Variants in FUT2 observed in about 807,000 individuals in gnomAD.
FUT2 encodes galactoside alpha-(1,2)-fucosyltransferase 2.
For synonymous variants in FUT2, 182 were observed against 193.1 expected (o/e 0.94, Z 0.48); for missense variants, 419 against 465.8 (o/e 0.90, Z 0.93).
chr19:48,699,878 G>T (rs969721977), intron 1 of FUT2, among the ~76,000 whole-genome samples: 4 of 151,930 alleles, frequency 2.6e-5, no homozygotes, highest in Non-Finnish European at 5.9e-5. Flanking sequence ...GTGAGGCCAG[G>T]CATGGTGGCT....
intron 1 of FUT2, among the ~76,000 whole-genome samples, chr19:48,699,651 G>A (rs1356312864): frequency 6.6e-6 from 1 of 152,072 alleles, no homozygotes; most frequent in Non-Finnish European, 1.5e-5. Flanking sequence ...TTTACCGCCT[G>A]TGTATATGTG....
intron 1 of FUT2, among the ~76,000 whole-genome samples, chr19:48,701,494 G>C (rs1444754182): frequency 6.6e-6 from 1 of 150,814 alleles, no homozygotes; most frequent in Non-Finnish European, 1.5e-5. Context: ...TCATCTTTTA[G>C]AGCCAGCCTA....
intron 1 of FUT2, among the ~76,000 whole-genome samples, chr19:48,696,856 G>A (rs1193706024): frequency 6.6e-6 from 1 of 152,090 alleles, no homozygotes; most frequent in Non-Finnish European, 1.5e-5. Flanking sequence ...ACGGGGCCCC[G>A]GGTGAGCGGA....
intron 1 of FUT2, among the ~76,000 whole-genome samples, chr19:48,698,742 C>T (rs1426135539): frequency 1.3e-5 from 2 of 151,942 alleles, no homozygotes; most frequent in Non-Finnish European, 2.9e-5. Context: ...TGCGCCTGGC[C>T]TAATTTTCTC....
In FUT2 at chr19:48,704,021, C is replaced by T. The variant is rs1393268753; in HGVS notation, c.*33C>T. The T allele has an allele frequency of 6.3e-7, 1 of 1,588,496 alleles. No homozygotes were observed. Among genetic ancestry groups the T allele is most frequent in the South Asian group, 1.1e-5 (1 of 89,688 alleles). ...CCATTCTTTGAGACCTTTTCTCCTTCTCTGCCTCCCTCAAGATGAGTGCCC... is the reference window on the plus strand; with the variant it reads ...CCATTCTTTGAGACCTTTTCTCCTTTTCTGCCTCCCTCAAGATGAGTGCCC... On this transcript the variant is annotated 3_prime_UTR_variant, in exon 2 of 2. Transcript: ENST00000425340.
chr19:48,700,277 T>A (rs976890148), intron 1 of FUT2, among the ~76,000 whole-genome samples: 2 of 151,490 alleles, frequency 1.3e-5, no homozygotes, highest in Non-Finnish European at 2.9e-5. Context: ...CACAAAGTCA[T>A]CAGTCACCTG....
chr19:48,704,851 C>G lies in FUT2; in HGVS notation c.*863C>G, dbSNP rs2032607259. The G allele has an allele frequency of 2.4e-6, 1 of 413,146 alleles. No individual in the cohort carries two copies. Among genetic ancestry groups the G allele is most frequent in the Non-Finnish European group, 4.4e-6 (1 of 226,146 alleles). 25.6% of individuals were successfully genotyped at this position (413,146 alleles called of 1,614,324 possible). A position where few individuals can be genotyped will look rare whatever the true frequency, so the allele number is the denominator to read the frequency against. ...ATTAGTTTAGCCTCAGATTCTGCAG[C>G]TGAGAAGTTGATCAGCCACCTCTGA... On this transcript the variant is annotated 3_prime_UTR_variant, in exon 2 of 2. Coordinates refer to ENST00000425340, the MANE Select transcript of FUT2 (RefSeq NM_000511.6).
Position 48,703,857 on chromosome 19 carries a change from G to GGCCC in FUT2, c.902_903insCCCG (p.Asp302ProfsTer21), listed in dbSNP as rs754044584. ...GATCTGGGCCGCATACCTCACGGGCGGAGACACCATCTACCTGGCCAATTA... is the reference window on the plus strand; with the variant it reads ...GATCTGGGCCGCATACCTCACGGGCGGCCCGAGACACCATCTACCTGGCCAATTA... On this transcript the variant is annotated frameshift_variant, in exon 2 of 2. Coordinates refer to ENST00000425340, the MANE Select transcript of FUT2 (RefSeq NM_000511.6). LOFTEE classifies it high-confidence loss of function. 3.1e-6 allele frequency: 5 copies of GGCCC among 1,613,616 alleles called. No homozygotes were observed. The highest frequency in any genetic ancestry group is 4.2e-6 in the Non-Finnish European group (5 of 1,180,008).
Position 48,696,199 on chromosome 19 carries a change from C to A in FUT2, c.-3+110C>A, listed in dbSNP as rs982896375. On this transcript the variant is annotated intron_variant, in intron 1 of 1. Transcript: ENST00000425340. ...TGTGTGCCCTCGTGGGTCCCTGGTGCCCTCTGGGAGGCACCCCCAACTCAG... is the reference window on the plus strand; with the variant it reads ...TGTGTGCCCTCGTGGGTCCCTGGTGACCTCTGGGAGGCACCCCCAACTCAG... 7.2e-5 allele frequency: 11 copies of A among 152,320 alleles called. 1 individual carries two copies. Among genetic ancestry groups the A allele is most frequent in the African/African-American group, 2.7e-4 (11 of 41,434 alleles). The allele number at this position is 152,320 out of a possible 1,614,324, so 9.4% of individuals were successfully genotyped here. A position where few individuals can be genotyped will look rare whatever the true frequency, so the allele number is the denominator to read the frequency against.
intron 1 of FUT2, among the ~76,000 whole-genome samples, chr19:48,699,704 C>G (rs1292574317): frequency 1.3e-5 from 2 of 152,026 alleles, no homozygotes; most frequent in Admixed American, 1.3e-4. Context: ...GTCACTTGCC[C>G]AAAATCACAC....
In FUT2 at chr19:48,703,542, G is replaced by A; in HGVS notation, c.586G>A (p.Val196Ile). ...QVNGSRPGTF[V>I]GVHVRRGDYV... Reference sequence around the variant, plus strand: ...GAACGGGAGCCGGCCGGGCACCTTTGTAGGGGTCCATGTTCGCCGAGGGGA... The same window carrying A: ...GAACGGGAGCCGGCCGGGCACCTTTATAGGGGTCCATGTTCGCCGAGGGGA... The change falls in exon 2 of 2, where the codon GTA becomes ATA. Residue 196 changes from valine to isoleucine, a missense_variant. Coordinates refer to ENST00000425340, the MANE Select transcript of FUT2 (RefSeq NM_000511.6). 1.9e-6 allele frequency: 3 copies of A among 1,613,312 alleles called. No individual in the cohort carries two copies. Among genetic ancestry groups the A allele is most frequent in the Non-Finnish European group, 2.5e-6 (3 of 1,180,020 alleles).
In FUT2 at chr19:48,703,846, A is replaced by G. The variant is rs2032580860; in HGVS notation, c.890A>G (p.Tyr297Cys). The change falls in exon 2 of 2, where the codon TAC becomes TGC. Residue 297 changes from tyrosine to cysteine, a missense_variant. Physicochemically the swap from Tyr to Cys is radical, Grantham distance 194 (BLOSUM62 -2). Transcript: ENST00000425340. Reference sequence around the variant, plus strand: ...GGGACGTTCGGGATCTGGGCCGCATACCTCACGGGCGGAGACACCATCTAC... The same window carrying G: ...GGGACGTTCGGGATCTGGGCCGCATGCCTCACGGGCGGAGACACCATCTAC... ...TIGTFGIWAA[Y>C]LTGGDTIYLA... 1.9e-6 allele frequency: 3 copies of G among 1,613,356 alleles called. No individual in the cohort carries two copies. In the African/African-American group the frequency reaches 4.0e-5, roughly 22 times the overall value.
rs758896849 is a variant in FUT2, at chr19:48,703,108, C to G, written c.152C>G (p.Thr51Arg). The change falls in exon 2 of 2, where the codon ACA becomes AGA. Residue 51 changes from threonine (T) to arginine (R), a missense_variant. Transcript: ENST00000425340. ...LPVQIPVLAS[T>R]SKALGPSQLR... Reference sequence around the variant, plus strand: ...GTGCAGATACCAGTGCTAGCCTCAACATCAAAGGCACTGGGACCCAGCCAG... The same window carrying G: ...GTGCAGATACCAGTGCTAGCCTCAAGATCAAAGGCACTGGGACCCAGCCAG... The G allele has an allele frequency of 3.1e-6, 5 of 1,613,482 alleles. No individual in the cohort carries two copies. The highest frequency in any genetic ancestry group is 1.7e-5 in the Admixed American group (1 of 60,010).
At chr19:48,700,262 G>A (rs564444201) in intron 1 of FUT2, among the ~76,000 whole-genome samples, 3 of 151,750 alleles carry the variant, frequency 2.0e-5, no homozygotes, top group Non-Finnish European at 2.9e-5. Flanking sequence ...TTAATTTAGC[G>A]GCTCCACAAA....
intron 1 of FUT2, among the ~76,000 whole-genome samples, chr19:48,700,152 C>CAA (rs923397801): frequency 8.2e-4 from 37 of 45,118 alleles, no homozygotes; most frequent in Non-Finnish European, 1.4e-3. Flanking sequence ...GACTCCATCT[C>CAA]AAAAAAAAAA....
chr19:48,698,850 A>G (rs2032461329), intron 1 of FUT2, among the ~76,000 whole-genome samples: 1 of 151,934 alleles, frequency 6.6e-6, no homozygotes, highest in East Asian at 1.9e-4. Context: ...TGCTAGCATT[A>G]CATGTGTGAG....
chr19:48,697,196 T>G (rs1359025922), intron 1 of FUT2, among the ~76,000 whole-genome samples: 2 of 151,218 alleles, frequency 1.3e-5, no homozygotes, highest in Non-Finnish European at 2.9e-5. Context: ...AAATACAAAA[T>G]TAGCCAGGCG....
In FUT2 at chr19:48,703,379, G is replaced by C. The variant is rs150802597; in HGVS notation, c.423G>C (p.Pro141=). The C allele has an allele frequency of 2.5e-6, 4 of 1,612,838 alleles. No homozygotes were observed. The highest frequency in any genetic ancestry group is 1.7e-5 in the Admixed American group (1 of 59,996). ...DWMEEEYRHI[P]GEYVRFTGYP... is the part of the protein sequence containing the mutation. ...TGGAGGAGGAATACCGCCACATCCC[G>C]GGGGAGTACGTCCGCTTCACCGGCT... Residue 141 remains proline (P), a synonymous_variant, in exon 2 of 2, where the codon CCG becomes CCC. Transcript: ENST00000425340.
intron 1 of FUT2, among the ~76,000 whole-genome samples, chr19:48,702,666 C>G (rs554723453): frequency 5.3e-5 from 8 of 152,128 alleles, no homozygotes; most frequent in Non-Finnish European, 7.4e-5. Flanking sequence ...TTTGCACACA[C>G]CTGTATATGT....
Sources: allele counts gnomAD v4.1 joint callset (sites outside exome capture counted in the v4.1 genomes callset), GRCh38; gene constraint gnomAD v4.1.1; transcripts MANE v1.5; gene names NCBI Gene and HGNC (gene_info 2026-07-23, HGNC 2026-07-21).